Variants in EIF3I observed in about 807,000 individuals in gnomAD.
The protein encoded by EIF3I is eukaryotic translation initiation factor 3 subunit I, also known as TGF-beta receptor-interacting protein 1.
Under a neutral mutation model 43.3 loss-of-function variants are expected in EIF3I, and 20 were observed. The ratio of observed to expected loss-of-function variants is 0.46; its 90% CI spans 0.32 to 0.67. The LOEUF (loss-of-function observed/expected upper bound fraction) is 0.67, where lower values mean the gene tolerates loss of function less well. EIF3I is among the 30% of genes least tolerant of loss of function. EIF3I has a pLI of 0.03. For missense variants in EIF3I, 279 were observed against 421.4 expected (o/e 0.66, Z 2.96); for synonymous variants, 167 against 151.7 (o/e 1.10, Z -0.74).
exon 5 of EIF3I, chr1:32,226,254 A>G: frequency 6.2e-7 from 1 of 1,614,108 alleles, no homozygotes; most frequent in Non-Finnish European, 8.5e-7. Flanking sequence ...CATGTTCTCC[A>G]CGGACAAGCA....
chr1:32,222,461 G>C lies in EIF3I; in HGVS notation c.3+17G>C. Reference sequence around the variant, plus strand: ...GCCGGGATGGTGAGTTTCAGAGTTAGGGGTATTGCAGTGGGGGTCCTGGGC... The same window carrying C: ...GCCGGGATGGTGAGTTTCAGAGTTACGGGTATTGCAGTGGGGGTCCTGGGC... On this transcript the variant is annotated intron_variant, in intron 1 of 11. Coordinates refer to ENST00000676679, the Ensembl canonical transcript of EIF3I. 1 of 1,608,148 alleles carries C rather than the reference G, an allele frequency of 6.2e-7. No individual in the cohort carries two copies. Among genetic ancestry groups the C allele is most frequent in the Non-Finnish European group, 8.5e-7 (1 of 1,175,510 alleles).
At chr1:32,225,855 A>G (rs1014190202) in intron 4 of EIF3I, among the ~76,000 whole-genome samples, 1 of 151,806 alleles carries the variant, frequency 6.6e-6, no homozygotes, top group African/African-American at 2.4e-5. Context: ...TCCCGTCTCT[A>G]CTAAAAATAC....
At chr1:32,233,300 G>A (rs1276898865), downstream of EIF3I, among the ~76,000 whole-genome samples, 8 of 152,086 alleles carry the variant, frequency 5.3e-5, no homozygotes, top group East Asian at 1.2e-3. Context: ...GACTACAGGC[G>A]GGTGCCAACA....
exon 2 of EIF3I, chr1:32,222,549 A>G: frequency 1.9e-6 from 3 of 1,614,122 alleles, no homozygotes; most frequent in Non-Finnish European, 1.7e-6. Context: ...AGCCGATCCT[A>G]CTGCAGGGCC....
Position 32,228,618 on chromosome 1 carries a change from G to A in EIF3I, c.639+9G>A. The A allele has an allele frequency of 2.5e-6, 4 of 1,613,252 alleles. No individual in the cohort carries two copies. The highest frequency in any genetic ancestry group is 3.4e-6 in the Non-Finnish European group (4 of 1,179,154). On this transcript the variant is annotated intron_variant, in intron 7 of 11. Transcript: ENST00000676679. ...AGGACAACACAGCCAAGGTGAGCCT[G>A]GGCAGCGGTCTGGCAGGGCTGCTCC...
At chr1:32,228,010 T>G (rs1350205383) in intron 6 of EIF3I, among the ~76,000 whole-genome samples, 1 of 152,088 alleles carries the variant, frequency 6.6e-6, no homozygotes, top group East Asian at 1.9e-4. Flanking sequence ...GGAGGTGGCG[T>G]GTACATTAAA....
downstream of EIF3I, among the ~76,000 whole-genome samples, chr1:32,235,940 GCT>G (rs1340812398): frequency 2.0e-5 from 3 of 152,178 alleles, no homozygotes; most frequent in African/African-American, 7.2e-5. Flanking sequence ...CGACTTCTCA[GCT>G]CTGTTTAAAA....
chr1:32,232,573 T>C (rs550417781), downstream of EIF3I, among the ~76,000 whole-genome samples: 1 of 152,168 alleles, frequency 6.6e-6, no homozygotes, highest in Non-Finnish European at 1.5e-5. Flanking sequence ...ACTGTGAATA[T>C]TGATAGGTCT....
chr1:32,222,752 A>G (rs770611691), intron 2 of EIF3I, 122 bp downstream of exon 2: 14 of 982,156 alleles, frequency 1.4e-5, no homozygotes, highest in Non-Finnish European at 1.9e-5. Flanking sequence ...AAGTAGGGAG[A>G]GGCCATGCCG....
At chr1:32,232,291 C>T (rs994874026), downstream of EIF3I, 1 of 152,108 alleles carries the variant, frequency 6.6e-6, no homozygotes, top group African/African-American at 2.4e-5. Context: ...CAGTGATAAC[C>T]TTTACTTTTC....
chr1:32,224,012 T>C (rs1375710634), intron 2 of EIF3I, 22 bp from the exon 3 acceptor site: 3 of 1,613,160 alleles, frequency 1.9e-6, no homozygotes, highest in Non-Finnish European at 2.5e-6. Context: ...ATGTGTACTA[T>C]CCTGTGGTTT....
At chr1:32,227,063 C>T (rs1294415603) in intron 6 of EIF3I, among the ~76,000 whole-genome samples, 1 of 151,350 alleles carries the variant, frequency 6.6e-6, no homozygotes, top group African/African-American at 2.4e-5. Flanking sequence ...GAATCCTGAC[C>T]TCCTGACCTC....
chr1:32,222,464 G>T lies in EIF3I; in HGVS notation c.3+20G>T. The T allele has an allele frequency of 6.2e-7, 1 of 1,609,772 alleles. No individual in the cohort carries two copies. The highest frequency in any genetic ancestry group is 8.5e-7 in the Non-Finnish European group (1 of 1,176,778). ...GGGATGGTGAGTTTCAGAGTTAGGG[G>T]TATTGCAGTGGGGGTCCTGGGCTGA... On this transcript the variant is annotated intron_variant, in intron 1 of 11. Transcript: ENST00000676679.
At chr1:32,231,475 G>T, downstream of EIF3I, 2 of 258,884 alleles carry the variant, frequency 7.7e-6, no homozygotes, top group Non-Finnish European at 1.5e-5. Flanking sequence ...TGAGCCACAA[G>T]AGCAAAACTC....
chr1:32,228,845 G>A, intron 8 of EIF3I, 29 bp downstream of exon 8: 1 of 1,549,430 alleles, frequency 6.5e-7, no homozygotes, highest in Non-Finnish European at 8.9e-7. Flanking sequence ...CCTTCCTGCT[G>A]AAGCCTCAGG....
downstream of EIF3I, chr1:32,235,194 G>A: frequency 6.6e-6 from 1 of 152,450 alleles, no homozygotes; most frequent in Non-Finnish European, 1.5e-5. Flanking sequence ...CAAGACCAAT[G>A]AGGGAGACAC....
In EIF3I at chr1:32,230,920, C is replaced by T; in HGVS notation, c.915-7C>T. 6.3e-7 allele frequency: 1 copy of T among 1,589,148 alleles called. No homozygotes were observed. Among genetic ancestry groups the T allele is most frequent in the South Asian group, 1.2e-5 (1 of 86,202 alleles). ...AAAGTGAATTAATTGTGTCCCTTTTCCTCCAGGTTCTTCCATTTGGCCTTT... is the reference window on the plus strand; with the variant it reads ...AAAGTGAATTAATTGTGTCCCTTTTTCTCCAGGTTCTTCCATTTGGCCTTT... On this transcript the variant is annotated splice_polypyrimidine_tract_variant and splice_region_variant and intron_variant, in intron 10 of 11. Transcript: ENST00000676679.
chr1:32,224,264 A>G, intron 3 of EIF3I, 143 bp downstream of exon 3: 1 of 1,096,596 alleles, frequency 9.1e-7, no homozygotes, highest in Non-Finnish European at 1.4e-6. Flanking sequence ...TGACTGAGGA[A>G]ACATTCAGGA....
chr1:32,222,510 C>T (rs766315114), intron 1 of EIF3I, 28 bp from the exon 2 acceptor site: 2 of 1,613,796 alleles, frequency 1.2e-6, no homozygotes, highest in South Asian at 1.1e-5. Flanking sequence ...CAATTCCGAG[C>T]ACTGACGTTA....
Sources: allele counts gnomAD v4.1 joint callset (sites outside exome capture counted in the v4.1 genomes callset), GRCh38; gene constraint gnomAD v4.1.1; transcripts MANE v1.5; gene names NCBI Gene and HGNC (gene_info 2026-07-23, HGNC 2026-07-21).